The following TCERG1L variants were observed in gnomAD, a reference collection of about 807,000 sequenced individuals.
TCERG1L encodes the protein transcription elongation regulator 1-like protein.
A neutral mutation model predicts 56.3 loss-of-function variants in TCERG1L; 37 were observed. The observed-to-expected ratio is 0.66, with a 90% CI of 0.51 to 0.87. The LOEUF is 0.87. Among genes scored for constraint, TCERG1L ranks in the 40% least tolerant of loss-of-function variants. The pLI, the probability that TCERG1L is intolerant of heterozygous loss-of-function variation, is 0.00. For missense variants in TCERG1L, 799 were observed against 774.2 expected (o/e 1.03, Z -0.38); for synonymous variants, 324 against 326.3 (o/e 0.99, Z 0.08).
Position 131,259,953 on chromosome 10 carries a change from A to G in TCERG1L, c.856+306T>C, listed in dbSNP as rs940574791. On this transcript the variant is annotated intron_variant, in intron 4 of 11. Coordinates refer to ENST00000368642, the MANE Select transcript of TCERG1L (RefSeq NM_174937.4). ...CTGGGGTGCTTGCACTCCCAGACGC[A>G]TGCATGACTCCCCCTAAACTCCAGT... Among the ~76,000 whole-genome samples the G allele has an allele frequency of 3.9e-5, 6 of 152,350 alleles. No homozygotes were observed. The East Asian group carries it at 5.8e-4, about 15-fold the overall frequency.
intron 3 of TCERG1L, among the ~76,000 whole-genome samples, chr10:131,295,558 T>C (rs1589776091): frequency 6.6e-6 from 1 of 152,248 alleles, no homozygotes. Context: ...TGAAATATGA[T>C]GTTGAACATT....
chr10:131,225,373 C>T (rs1845780276), intron 4 of TCERG1L, among the ~76,000 whole-genome samples: 1 of 152,268 alleles, frequency 6.6e-6, no homozygotes, highest in African/African-American at 2.4e-5. Context: ...GAAGCGGCTT[C>T]GGGAAGACCA....
chr10:131,148,453 TAAAC>T (rs1181132981), intron 6 of TCERG1L, among the ~76,000 whole-genome samples: 7 of 142,682 alleles, frequency 4.9e-5, no homozygotes, highest in African/African-American at 1.0e-4. Context: ...GATACACACA[TAAAC>T]ACACACAGAC....
intron 8 of TCERG1L, among the ~76,000 whole-genome samples, chr10:131,128,083 T>G (rs1490627090): frequency 6.6e-6 from 1 of 151,940 alleles, no homozygotes; most frequent in Non-Finnish European, 1.5e-5. Context: ...AAAAAGAATA[T>G]TGGTCAAAGT....
In TCERG1L at chr10:131,127,673, G is replaced by A. The variant is rs1238115293; in HGVS notation, c.1259+6706C>T. Among the ~76,000 whole-genome samples, 5 of 152,216 alleles carry A rather than the reference G, an allele frequency of 3.3e-5. No individual in the cohort carries two copies. In the South Asian group the frequency reaches 1.0e-3, roughly 32 times the overall value. The stretch of plus-strand genomic sequence containing the variant: ...CGAAGGGACAGGTCCCTAAAACACA[G>A]CCCCCCGTCACAATCACAGACTCTA... On this transcript the variant is annotated intron_variant, in intron 8 of 11. Coordinates refer to ENST00000368642, the MANE Select transcript of TCERG1L (RefSeq NM_174937.4).
chr10:131,302,390 G>C (rs1846772987), intron 3 of TCERG1L, among the ~76,000 whole-genome samples: 1 of 150,896 alleles, frequency 6.6e-6, no homozygotes. Flanking sequence ...TCATCAGATG[G>C]GTTTTATTTA....
chr10:131,202,055 AACAG>A (rs1845443296), intron 4 of TCERG1L, among the ~76,000 whole-genome samples: 1 of 152,312 alleles, frequency 6.6e-6, no homozygotes, highest in East Asian at 1.9e-4. Flanking sequence ...TGCTGGGTTA[AACAG>A]ACAAACTAAT....
rs1313617939 is a variant in TCERG1L at position 131,308,358 on chromosome 10, T to C, written c.523A>G (p.Thr175Ala). The C allele has an allele frequency of 1.9e-6, 3 of 1,613,872 alleles. No individual in the cohort carries two copies. In the Admixed American group the frequency reaches 5.0e-5, roughly 27 times the overall value. ...CTTGACTCCTCAGGATGTATCCACG[T>C]TGAGTCCAGAGCAAAGGAATTATTA... is the stretch of plus-strand genomic sequence containing the variant. Reference protein sequence around the residue: ...FFNNSFALDSTWIHPEESRFF... With the variant: ...FFNNSFALDSAWIHPEESRFF... The change falls in exon 3 of 12, where the codon ACG becomes GCG. Residue 175 changes from threonine to alanine, a missense_variant. Transcript: ENST00000368642.
intron 4 of TCERG1L, among the ~76,000 whole-genome samples, chr10:131,196,660 C>T (rs1220168498): frequency 1.3e-5 from 2 of 152,210 alleles, no homozygotes; most frequent in African/African-American, 2.4e-5. Flanking sequence ...CCTTGGCACA[C>T]CTGGGGCTGC....
chr10:131,291,315 ATATC>A (rs1303078223), intron 3 of TCERG1L, among the ~76,000 whole-genome samples: 2 of 146,060 alleles, frequency 1.4e-5, no homozygotes, highest in Non-Finnish European at 3.0e-5. Context: ...TATTTCATAT[ATATC>A]TGTCTGGGAT....
chr10:131,310,915 AAAG>A (rs1846883133), intron 1 of TCERG1L, among the ~76,000 whole-genome samples: 1 of 152,250 alleles, frequency 6.6e-6, no homozygotes, highest in Non-Finnish European at 1.5e-5. Flanking sequence ...AGAGACTGTG[AAAG>A]TCCTAACTTC....
Position 131,311,482 on chromosome 10 carries a change from G to A in TCERG1L, c.154C>T (p.Leu52Phe). The A allele has an allele frequency of 8.4e-7, 1 of 1,191,694 alleles. No homozygotes were observed. The highest frequency in any genetic ancestry group is 1.0e-6 in the Non-Finnish European group (1 of 962,750). The allele number at this position is 1,191,694 out of a possible 1,614,324, so 73.8% of individuals were successfully genotyped here. A position where few individuals can be genotyped will look rare whatever the true frequency, so the allele number is the denominator to read the frequency against. Reference sequence around the variant, plus strand: ...GGGGGAACCACGACCCCCGCGCTGAGCCGGAGCAGCCCGGCCGAGCCCGGC... The same window carrying A: ...GGGGGAACCACGACCCCCGCGCTGAACCGGAGCAGCCCGGCCGAGCCCGGC... ...MVPGSAGLLR[L>F]SAGVVVPPVL... Residue 52 changes from leucine to phenylalanine, a missense_variant, in exon 1 of 12, where the codon CTC becomes TTC. Leu to Phe is a conservative substitution (Grantham distance 22). Coordinates refer to ENST00000368642, the MANE Select transcript of TCERG1L (RefSeq NM_174937.4). The surrounding 1 kb of genome is among the most constrained non-coding windows in gnomAD (Gnocchi z 4.0).
rs1846899183 is a variant in TCERG1L at position 131,311,501 on chromosome 10, G to A, written c.135C>T (p.Gly45=). The A allele has an allele frequency of 8.3e-7, 1 of 1,208,904 alleles. No homozygotes were observed. Among genetic ancestry groups the A allele is most frequent in the Non-Finnish European group, 1.0e-6 (1 of 969,834 alleles). 74.9% of individuals were successfully genotyped at this position (1,208,904 alleles called of 1,614,324 possible). ...PPPPWVWMVP[G]SAGLLRLSAG... ...CGCTGAGCCGGAGCAGCCCGGCCGA[G>A]CCCGGCACCATCCAGACCCAGGGCG... Residue 45 remains glycine (G), a synonymous_variant, in exon 1 of 12, where the codon GGC becomes GGT. Transcript: ENST00000368642. The surrounding 1 kb of genome is among the most constrained non-coding windows in gnomAD (Gnocchi z 4.0).
intron 4 of TCERG1L, among the ~76,000 whole-genome samples, chr10:131,204,452 G>A (rs1431281965): frequency 7.1e-6 from 1 of 140,376 alleles, no homozygotes; most frequent in Non-Finnish European, 1.5e-5. Context: ...GCTTGAAAAT[G>A]GGGATGAGGA....
intron 3 of TCERG1L, among the ~76,000 whole-genome samples, chr10:131,262,316 T>A (rs1005691098): frequency 6.6e-6 from 1 of 152,114 alleles, no homozygotes; most frequent in Admixed American, 6.5e-5. Flanking sequence ...AAGGAAGACA[T>A]CCAGGCTAGA....
Position 131,309,209 on chromosome 10 carries a change from C to A in TCERG1L, c.433G>T (p.Ala145Ser). ...VPVFPHLCPS[A>S]LATPIGKSWI... ...CTTTTCCCAATAGGGGTTGCAAGAG[C>A]AGAAGGGCAGAGATGTGGGAAGACG... Residue 145 changes from alanine to serine, a missense_variant, in exon 2 of 12, where the codon GCT becomes TCT. Physicochemically the swap from Ala to Ser is moderately conservative, Grantham distance 99. Transcript: ENST00000368642. 6.2e-7 allele frequency: 1 copy of A among 1,610,650 alleles called. No homozygotes were observed. The highest frequency in any genetic ancestry group is 1.3e-5 in the African/African-American group (1 of 74,780).
chr10:131,101,944 C>T (rs1346503315), intron 10 of TCERG1L, among the ~76,000 whole-genome samples: 3 of 152,156 alleles, frequency 2.0e-5, no homozygotes, highest in African/African-American at 4.8e-5. Context: ...TCAGATGATC[C>T]GCCCACCTCG....
At chr10:131,203,641 G>C (rs1057169303) in intron 4 of TCERG1L, among the ~76,000 whole-genome samples, 2 of 152,232 alleles carry the variant, frequency 1.3e-5, no homozygotes, top group Admixed American at 1.3e-4. Context: ...ATCTGCTTCT[G>C]GTTTGTGGCC....
intron 4 of TCERG1L, among the ~76,000 whole-genome samples, chr10:131,201,490 T>G (rs1041398401): frequency 8.5e-5 from 13 of 152,332 alleles, no homozygotes; most frequent in African/African-American, 2.9e-4. Context: ...TTTCATTCAT[T>G]CATTATGGAC....
Sources: allele counts gnomAD v4.1 joint callset (sites outside exome capture counted in the v4.1 genomes callset), GRCh38; gene constraint gnomAD v4.1.1; non-coding constraint Gnocchi (gnomAD v3.1); transcripts MANE v1.5; gene names NCBI Gene and HGNC (gene_info 2026-07-23, HGNC 2026-07-21).